Variants in ARHGAP4 observed in about 807,000 individuals in gnomAD.
ARHGAP4 encodes the protein Rho GTPase activating protein 4.
Under a neutral mutation model 67.6 loss-of-function variants are expected in ARHGAP4, and 25 were observed. The observed-to-expected ratio is 0.37, with a 90% CI of 0.27 to 0.52. The LOEUF (loss-of-function observed/expected upper bound fraction) is 0.52, where lower values mean the gene tolerates loss of function less well. ARHGAP4 is among the 20% of genes least tolerant of loss of function. The probability of loss-of-function intolerance (pLI) is 0.92; values close to 1 mark genes in which losing one functional copy is unlikely to be tolerated. For synonymous variants in ARHGAP4, 448 were observed against 373.7 expected (o/e 1.20, Z -2.29); for missense variants, 804 against 854.6 (o/e 0.94, Z 0.74).
chrX:153,909,990 G>A (rs782771078), intron 18 of ARHGAP4, 22 bp downstream of exon 18: 6 of 1,210,694 alleles, frequency 5.0e-6, no homozygotes, highest in East Asian at 3.0e-5. Flanking sequence ...ACAGGGTGGG[G>A]CTCTCTGCCC....
At position 153,907,701 on chromosome X, in the gene ARHGAP4, G is replaced by A. The variant is rs781818228; in HGVS notation, c.*28C>T. The A allele has an allele frequency of 2.1e-5, 18 of 846,067 alleles. No individual in the cohort carries two copies. The highest frequency in any genetic ancestry group is 1.9e-4 in the African/African-American group (9 of 47,727). The allele number at this position is 846,067 out of a possible 1,213,427, so 69.7% of individuals were successfully genotyped here. A position where few individuals can be genotyped will look rare whatever the true frequency, so the allele number is the denominator to read the frequency against. ...GTGGCCGGTCCAGCGGGTAGCCGCC[G>A]GGGGCACGCATCTCCAGCAGCGGCA... is the stretch of plus-strand genomic sequence containing the variant. On this transcript the variant is annotated 3_prime_UTR_variant, in exon 22 of 22. Coordinates refer to ENST00000350060, the MANE Select transcript of ARHGAP4 (RefSeq NM_001666.5).
At chrX:153,907,991 A>G in intron 21 of ARHGAP4, 29 bp from the exon 22 acceptor site, 1 of 1,131,858 alleles carries the variant, frequency 8.8e-7, no homozygotes, top group South Asian at 2.2e-5. Context: ...AGGGAGAGTG[A>G]CCAGTGAGTT....
chrX:153,910,664 G>C, intron 15 of ARHGAP4, 36 bp downstream of exon 15: 1 of 1,182,854 alleles, frequency 8.5e-7, no homozygotes, highest in South Asian at 1.9e-5. Context: ...GCCCCAGCAA[G>C]TGCCCTACCC....
chrX:153,907,666 G>T lies in ARHGAP4; in HGVS notation c.*63C>A. On this transcript the variant is annotated 3_prime_UTR_variant, in exon 22 of 22. Transcript: ENST00000350060. ...GACAGGGCTGGAGAGAAGCAAGGGG[G>T]CTGGGGAGAGTGGCCGGTCCAGCGG... The T allele has an allele frequency of 1.8e-6, 1 of 545,171 alleles. No homozygotes were observed. The highest frequency in any genetic ancestry group is 2.7e-6 in the Non-Finnish European group (1 of 371,784). 44.9% of individuals were successfully genotyped at this position (545,171 alleles called of 1,213,427 possible).
At position 153,910,314 on chromosome X, in the gene ARHGAP4, C is replaced by T. The variant is rs1188577645; in HGVS notation, c.2013G>A (p.Gln671=). The T allele has an allele frequency of 4.1e-6, 5 of 1,208,451 alleles. No individual in the cohort carries two copies. The highest frequency in any genetic ancestry group is 5.6e-6 in the Non-Finnish European group (5 of 894,469). Residue 671 remains glutamine (Q), a synonymous_variant, in exon 17 of 22, where the codon CAG becomes CAA. Coordinates refer to ENST00000350060, the MANE Select transcript of ARHGAP4 (RefSeq NM_001666.5). ...GPTLLPVPAG[Q]DPVALQGRVN... ...CCCGGCCCTGCAGCGCCACCGGGTCCTGCCCAGCGGGCACCGGTAGCAGCG... is the reference window on the plus strand; with the variant it reads ...CCCGGCCCTGCAGCGCCACCGGGTCTTGCCCAGCGGGCACCGGTAGCAGCG...
Position 153,907,824 on chromosome X carries a change from C to A in ARHGAP4, c.2746G>T (p.Gly916Cys), listed in dbSNP as rs782702156. Residue 916 changes from glycine to cysteine, a missense_variant, in exon 22 of 22, where the codon GGC (glycine) becomes TGC (cysteine). Gly to Cys is a radical substitution (Grantham distance 159, BLOSUM62 -3). Coordinates refer to ENST00000350060, the MANE Select transcript of ARHGAP4 (RefSeq NM_001666.5). ...CCCCGGGAGAAGCCTTTGTTCCTGC[C>A]CAGGCGGCTGCTGGGCGGGGCCTTT... is the stretch of plus-strand genomic sequence containing the variant. ...SPKAPPSSRL[G>C]RNKGFSRGPG... 2.0e-6 allele frequency: 2 copies of A among 1,012,389 alleles called. No homozygotes were observed. Among genetic ancestry groups the A allele is most frequent in the African/African-American group, 2.0e-5 (1 of 51,212 alleles). The allele number at this position is 1,012,389 out of a possible 1,213,427, so 83.4% of individuals were successfully genotyped here. A position where few individuals can be genotyped will look rare whatever the true frequency, so the allele number is the denominator to read the frequency against.
chrX:153,909,966 A>G (rs782003563), intron 18 of ARHGAP4, 42 bp from the exon 19 acceptor site: 5 of 1,208,735 alleles, frequency 4.1e-6, no homozygotes, highest in Non-Finnish European at 5.6e-6. Flanking sequence ...GGGGGTGTGG[A>G]CACTAGGGTG....
chrX:153,908,997 G>A (rs2064994627), intron 21 of ARHGAP4, 73 bp downstream of exon 21: 1 of 1,062,349 alleles, frequency 9.4e-7, no homozygotes, highest in Non-Finnish European at 1.3e-6. Flanking sequence ...GAGGAGGGAG[G>A]AGTTTGGCTT....
intron 1 of ARHGAP4, among the ~76,000 whole-genome samples, chrX:153,922,928 G>C (rs1314141474): frequency 9.4e-6 from 1 of 106,923 alleles, no homozygotes; most frequent in Admixed American, 9.9e-5. Flanking sequence ...AACCCACAAA[G>C]CAAGATCAGA....
chrX:153,920,836 G>C, intron 4 of ARHGAP4, 28 bp from the exon 5 acceptor site: 1 of 1,208,027 alleles, frequency 8.3e-7, no homozygotes, highest in Non-Finnish European at 1.1e-6. Flanking sequence ...GCAAGGTGGT[G>C]CTGGTGAAGG....
intron 1 of ARHGAP4, among the ~76,000 whole-genome samples, chrX:153,922,892 C>G (rs782653896): frequency 2.9e-4 from 32 of 111,520 alleles, no homozygotes; most frequent in African/African-American, 8.5e-4. Context: ...TCAGAATGCC[C>G]AGGAGTGATG....
At chrX:153,908,427 C>A (rs2064988282) in intron 21 of ARHGAP4, among the ~76,000 whole-genome samples, 1 of 112,235 alleles carries the variant, frequency 8.9e-6, no homozygotes, top group African/African-American at 3.2e-5. Flanking sequence ...TGTTCTTGGG[C>A]TCTCTCCTCC....
At chrX:153,918,789 T>G in intron 7 of ARHGAP4, 43 bp downstream of exon 7, 1 of 1,171,806 alleles carries the variant, frequency 8.5e-7, no homozygotes, top group Non-Finnish European at 1.2e-6. Context: ...ACCATTACAG[T>G]GAAGGCCAGA....
At chrX:153,912,596 G>T in intron 12 of ARHGAP4, 104 bp downstream of exon 12, 1 of 686,889 alleles carries the variant, frequency 1.5e-6, no homozygotes, top group Non-Finnish European at 2.3e-6. Context: ...GATTGAGAGT[G>T]GAGGACCCTG....
At chrX:153,920,851 G>C in intron 4 of ARHGAP4, 43 bp from the exon 5 acceptor site, 1 of 1,199,095 alleles carries the variant, frequency 8.3e-7, no homozygotes, top group Non-Finnish European at 1.1e-6. Context: ...TGAAGGCCAC[G>C]GCTGGGCCAG....
chrX:153,915,278 G>A (rs2065048614), intron 7 of ARHGAP4, among the ~76,000 whole-genome samples: 1 of 112,202 alleles, frequency 8.9e-6, no homozygotes, highest in South Asian at 3.6e-4. Flanking sequence ...AGTTTGGGAA[G>A]ATGAACAAGT....
intron 3 of ARHGAP4, 71 bp downstream of exon 3, chrX:153,921,284 GCCTCCAGTGC>G: frequency 8.4e-7 from 1 of 1,191,506 alleles, no homozygotes; most frequent in Non-Finnish European, 1.1e-6. Flanking sequence ...TCCCCACCTG[GCCTCCAGTGC>G]CCTCCCAGCC....
At chrX:153,914,003 C>G in intron 7 of ARHGAP4, 124 bp from the exon 8 acceptor site, 1 of 554,078 alleles carries the variant, frequency 1.8e-6, no homozygotes, top group Non-Finnish European at 3.0e-6. Context: ...ACCACCAGCC[C>G]AGACGCTCAG....
chrX:153,918,711 C>T (rs1301531675), intron 7 of ARHGAP4, 121 bp downstream of exon 7: 9 of 779,992 alleles, frequency 1.2e-5, no homozygotes, highest in Admixed American at 5.7e-5. Flanking sequence ...CTCTAGCTGC[C>T]GCACTGCCTG....
Sources: allele counts gnomAD v4.1 joint callset (sites outside exome capture counted in the v4.1 genomes callset), GRCh38; gene constraint gnomAD v4.1.1; transcripts MANE v1.5; gene names NCBI Gene and HGNC (gene_info 2026-07-23, HGNC 2026-07-21).